Variants in SLC24A2 observed in about 807,000 individuals in gnomAD.
SLC24A2 encodes the protein sodium/potassium/calcium exchanger 2.
SLC24A2 carries 36 observed loss-of-function variants against 62.0 expected under a neutral mutation model. The ratio of observed to expected loss-of-function variants is 0.58; its 90% CI spans 0.44 to 0.77. The LOEUF is 0.77. Among genes scored for constraint, SLC24A2 ranks in the 30% least tolerant of loss-of-function variants. The pLI, the probability that SLC24A2 is intolerant of heterozygous loss-of-function variation, is 0.00. For synonymous variants in SLC24A2, 358 were observed against 294.0 expected (o/e 1.22, Z -2.23); for missense variants, 846 against 817.9 (o/e 1.03, Z -0.42).
chr9:20,295,053 TACACACACACATACACAC>T, the SLC24A2 span, among the ~76,000 whole-genome samples: 1 of 144,374 alleles, frequency 6.9e-6, no homozygotes, highest in African/African-American at 2.6e-5. Flanking sequence ...TATATATATA[TACACACACACATACACAC>T]ACACACACAC....
chr9:19,561,771 A>G (rs7848688), intron 7 of SLC24A2, among the ~76,000 whole-genome samples: 142,492 of 152,230 alleles, frequency 0.94, 66,791 homozygotes, highest in East Asian at 1. Flanking sequence ...TGCTTGCCTG[A>G]TGGTAGAAAA....
At chr9:19,663,887 T>C (rs1323774215) in intron 2 of SLC24A2, among the ~76,000 whole-genome samples, 2 of 152,248 alleles carry the variant, frequency 1.3e-5, no homozygotes, top group African/African-American at 4.8e-5. Flanking sequence ...GGTGCAGATC[T>C]GAATTTGCAA....
intron 2 of SLC24A2, among the ~76,000 whole-genome samples, chr9:19,698,606 G>C (rs76129211): frequency 0.026 from 3,970 of 152,198 alleles, 93 homozygotes; most frequent in African/African-American, 0.063. Flanking sequence ...TCATTCATTT[G>C]TTCGCTCCTT....
intron 8 of SLC24A2, among the ~76,000 whole-genome samples, chr9:19,544,394 C>A (rs1834442929): frequency 6.6e-6 from 1 of 151,810 alleles, no homozygotes; most frequent in Admixed American, 6.6e-5. Flanking sequence ...ATTTGCCAGT[C>A]TGTGTCTTTT....
At chr9:19,811,104 G>C in the SLC24A2 span, among the ~76,000 whole-genome samples, 1 of 152,270 alleles carries the variant, frequency 6.6e-6, no homozygotes, top group South Asian at 2.1e-4. Flanking sequence ...GATTTGGGAG[G>C]TAATTAGGAC....
the SLC24A2 span, among the ~76,000 whole-genome samples, chr9:20,083,625 A>G: frequency 6.6e-6 from 1 of 152,258 alleles, no homozygotes; most frequent in Admixed American, 6.5e-5. Flanking sequence ...ACCATTTAGT[A>G]GCATTTAGAT....
chr9:19,572,876 C>T (rs771759240), intron 7 of SLC24A2, among the ~76,000 whole-genome samples: 1 of 152,218 alleles, frequency 6.6e-6, no homozygotes, highest in Non-Finnish European at 1.5e-5. Flanking sequence ...AGGGGGCTCA[C>T]TGAGTCTGAT....
At chr9:19,676,441 G>C (rs749314626) in intron 2 of SLC24A2, among the ~76,000 whole-genome samples, 4 of 152,194 alleles carry the variant, frequency 2.6e-5, no homozygotes, top group Non-Finnish European at 5.9e-5. Context: ...TTAACAGATA[G>C]ACCTGGAAAT....
At chr9:20,079,381 T>G in the SLC24A2 span, among the ~76,000 whole-genome samples, 1 of 152,204 alleles carries the variant, frequency 6.6e-6, no homozygotes, top group Non-Finnish European at 1.5e-5. Context: ...ACATACACAG[T>G]TTTTTGCATT....
chr9:20,282,829 C>T, the SLC24A2 span, among the ~76,000 whole-genome samples: 3 of 152,154 alleles, frequency 2.0e-5, no homozygotes, highest in Admixed American at 6.6e-5. Flanking sequence ...AACCAAATAC[C>T]TTTCATGTTG....
chr9:19,961,017 G>GGGGT, the SLC24A2 span, among the ~76,000 whole-genome samples: 11 of 116,942 alleles, frequency 9.4e-5, no homozygotes, highest in Non-Finnish European at 2.0e-4. Flanking sequence ...CAGGATTAGA[G>GGGGT]GGGTGGGTGT....
the SLC24A2 span, among the ~76,000 whole-genome samples, chr9:19,839,974 G>C: frequency 6.6e-6 from 1 of 152,158 alleles, no homozygotes; most frequent in Non-Finnish European, 1.5e-5. Flanking sequence ...GTTTATGTGA[G>C]TACACTCTGT....
chr9:19,901,639 T>C, the SLC24A2 span, among the ~76,000 whole-genome samples: 7 of 152,242 alleles, frequency 4.6e-5, no homozygotes, highest in East Asian at 1.9e-4. Flanking sequence ...ACGACCCATG[T>C]TCATTGTGTT....
At chr9:19,835,377 G>C in the SLC24A2 span, among the ~76,000 whole-genome samples, 1 of 147,022 alleles carries the variant, frequency 6.8e-6, no homozygotes, top group Non-Finnish European at 1.5e-5. Context: ...AGGGATGGAG[G>C]AATATCTACC....
intron 2 of SLC24A2, among the ~76,000 whole-genome samples, chr9:19,631,052 T>C (rs1342220018): frequency 5.3e-5 from 8 of 152,170 alleles, no homozygotes; most frequent in African/African-American, 9.6e-5. Context: ...TTCATTCTTT[T>C]GTATTATTTG....
the SLC24A2 span, among the ~76,000 whole-genome samples, chr9:19,858,107 C>T: frequency 2.0e-5 from 3 of 152,166 alleles, no homozygotes; most frequent in Non-Finnish European, 4.4e-5. Context: ...TCCAACTATA[C>T]TACAAGGCTA....
chr9:20,105,603 G>A, the SLC24A2 span, among the ~76,000 whole-genome samples: 1 of 151,914 alleles, frequency 6.6e-6, no homozygotes, highest in African/African-American at 2.4e-5. Flanking sequence ...TGACTACTGG[G>A]TACATAATGA....
intron 2 of SLC24A2, among the ~76,000 whole-genome samples, chr9:19,784,800 AC>A: frequency 1.7e-5 from 1 of 58,004 alleles, no homozygotes; most frequent in East Asian, 3.3e-4. Context: ...AATATGTAGT[AC>A]AAGTAGAAAT....
the SLC24A2 span, among the ~76,000 whole-genome samples, chr9:20,201,226 C>G: frequency 6.6e-6 from 1 of 152,222 alleles, no homozygotes; most frequent in Non-Finnish European, 1.5e-5. Flanking sequence ...TTGCCCCAAA[C>G]TTCATCCCAT....
Sources: allele counts gnomAD v4.1 joint callset (sites outside exome capture counted in the v4.1 genomes callset), GRCh38; gene constraint gnomAD v4.1.1; transcripts MANE v1.5; gene names NCBI Gene and HGNC (gene_info 2026-07-23, HGNC 2026-07-21).